ARID2: variants seen among roughly 807,000 people sequenced by gnomAD.
ARID2 encodes AT-rich interaction domain 2.
Under a neutral mutation model 184.6 loss-of-function variants are expected in ARID2, and 32 were observed. The ratio of observed to expected loss-of-function variants is 0.17; its 90% confidence interval spans 0.13 to 0.23. The LOEUF is 0.23. Among genes scored for constraint, ARID2 ranks in the 10% least tolerant of loss-of-function variants. The pLI is 1.00. For synonymous variants in ARID2, 836 were observed against 772.6 expected, an observed-to-expected ratio of 1.08 and a Z score of -1.36; for missense variants, 1,696 against 2,197.6, an observed-to-expected ratio of 0.77 and a Z score of 4.56.
intron 3 of ARID2, among the ~76,000 whole-genome samples, chr12:45,805,843 A>T (rs1459090965): frequency 6.6e-6 from 1 of 152,154 alleles, no homozygotes; most frequent in Non-Finnish European, 1.5e-5. Flanking sequence ...CATCCTGTAT[A>T]TTAGATCTTC....
At chr12:45,740,187 G>A (rs1313354124) in intron 3 of ARID2, among the ~76,000 whole-genome samples, 1 of 152,110 alleles carries the variant, frequency 6.6e-6, no homozygotes, top group East Asian at 1.9e-4. Context: ...TTGCAATGTA[G>A]TAATTCAATC....
chr12:45,752,656 G>T (rs1372454922), intron 3 of ARID2, among the ~76,000 whole-genome samples: 1 of 152,130 alleles, frequency 6.6e-6, no homozygotes, highest in Non-Finnish European at 1.5e-5. Context: ...TGAGTAGCTA[G>T]GACTCAGACT....
intron 10 of ARID2, among the ~76,000 whole-genome samples, 196 bp from the exon 11 acceptor site, chr12:45,839,133 G>A (rs971275715): frequency 2.0e-5 from 3 of 151,804 alleles, no homozygotes; most frequent in African/African-American, 7.3e-5. Flanking sequence ...CAAAGTGCTG[G>A]GATTACAGGT....
At chr12:45,857,635 T>G (rs1943672975) in intron 15 of ARID2, among the ~76,000 whole-genome samples, 2 of 152,204 alleles carry the variant, frequency 1.3e-5, no homozygotes, top group African/African-American at 4.8e-5. Context: ...ACTCCTACTT[T>G]TAAGAGTTGA....
At chr12:45,902,693 G>GCCA (rs2136471066) in intron 20 of ARID2, among the ~76,000 whole-genome samples, 1 of 151,904 alleles carries the variant, frequency 6.6e-6, no homozygotes, top group Non-Finnish European at 1.5e-5. Context: ...AGTAGCTCCT[G>GCCA]CCACCACGCC....
intron 3 of ARID2, among the ~76,000 whole-genome samples, chr12:45,744,821 A>G (rs1159196770): frequency 2.0e-5 from 3 of 152,210 alleles, no homozygotes; most frequent in Non-Finnish European, 4.4e-5. Flanking sequence ...AAATTCATCA[A>G]TGCTAAATTA....
At chr12:45,734,520 A>G (rs998748288) in intron 3 of ARID2, among the ~76,000 whole-genome samples, 4 of 152,044 alleles carry the variant, frequency 2.6e-5, no homozygotes, top group African/African-American at 9.7e-5. Flanking sequence ...TTCCTATAGT[A>G]TGAAAGGATA....
rs752381571 is a variant in ARID2 at position 45,850,066 on chromosome 12, A to G, written c.1943A>G (p.Asn648Ser). The G allele has an allele frequency of 2.2e-5, 35 of 1,613,624 alleles. No homozygotes were observed. The highest frequency in any genetic ancestry group is 3.0e-5 in the Non-Finnish European group (35 of 1,179,774). ...CCTCATGGATCACAAACCATAGGAA[A>G]CCATTTTCAGAGGACTCCTGTTGCC... Reference protein sequence around the residue: ...GIPHGSQTIGNHFQRTPVANQ... With the variant: ...GIPHGSQTIGSHFQRTPVANQ... The change falls in exon 15 of 21, where the codon AAC becomes AGC. Residue 648 changes from asparagine (N) to serine (S), a missense_variant. Asn to Ser is a conservative substitution (Grantham distance 46). This residue lies in a region of ARID2 where 713 missense variants were observed against 824.4 expected (regional missense o/e 0.86). Coordinates refer to ENST00000334344, the MANE Select transcript of ARID2 (RefSeq NM_152641.4).
rs149425752 is a variant in ARID2, at chr12:45,776,724, C to T, written c.285-34694C>T. ...CAGCACTTTGGGAGGCCAAGGCGGA[C>T]AGATCGTTTGAGCCCAGGAGTTCGA... On this transcript the variant is annotated intron_variant, in intron 3 of 20. Coordinates refer to ENST00000334344, the MANE Select transcript of ARID2 (RefSeq NM_152641.4). 8.9e-3 allele frequency among the ~76,000 whole-genome samples: 1,328 copies of T among 149,764 alleles called. 19 individuals carry two copies. The highest frequency in any genetic ancestry group is 0.031 in the African/African-American group (1,264 of 40,768).
At chr12:45,759,640 A>G (rs1941637038) in intron 3 of ARID2, among the ~76,000 whole-genome samples, 1 of 152,134 alleles carries the variant, frequency 6.6e-6, no homozygotes, top group African/African-American at 2.4e-5. Context: ...CTCGTATGTA[A>G]ACACATACCT....
At chr12:45,898,665 C>T (rs558131539) in intron 20 of ARID2, among the ~76,000 whole-genome samples, 6 of 152,258 alleles carry the variant, frequency 3.9e-5, no homozygotes, top group South Asian at 2.1e-4. Context: ...CCTATAATCC[C>T]GGCACTTTGG....
intron 3 of ARID2, among the ~76,000 whole-genome samples, chr12:45,755,494 C>T (rs1331789310): frequency 6.6e-6 from 1 of 152,160 alleles, no homozygotes; most frequent in African/African-American, 2.4e-5. Flanking sequence ...TATCTTTAGG[C>T]TTATCGTTGT....
chr12:45,899,069 T>G (rs1244669696), intron 20 of ARID2, among the ~76,000 whole-genome samples: 1 of 145,944 alleles, frequency 6.9e-6, no homozygotes, highest in African/African-American at 2.6e-5. Context: ...GTCAAGATAT[T>G]GAGATCATCC....
chr12:45,893,744 C>A (rs2136463322), intron 20 of ARID2, 23 bp downstream of exon 20: 1 of 1,479,418 alleles, frequency 6.8e-7, no homozygotes, highest in Non-Finnish European at 9.1e-7. Context: ...TTTTCTGTAG[C>A]CAAAGTGAAT....
At chr12:45,785,155 A>T (rs182918614) in intron 3 of ARID2, among the ~76,000 whole-genome samples, 20 of 152,334 alleles carry the variant, frequency 1.3e-4, no homozygotes, top group African/African-American at 4.8e-4. Flanking sequence ...AGGTGATGGA[A>T]AATAAGGTAA....
chr12:45,835,809 G>C (rs1300318242), intron 6 of ARID2, among the ~76,000 whole-genome samples: 7 of 151,856 alleles, frequency 4.6e-5, no homozygotes, highest in African/African-American at 1.5e-4. Flanking sequence ...CTGAGGTAGG[G>C]GAATCACTTG....
Position 45,848,896 on chromosome 12 carries a change from T to C in ARID2, c.1641T>C (p.Ser547=), listed in dbSNP as rs900184887. 1 of 1,612,606 alleles carries C rather than the reference T, an allele frequency of 6.2e-7. No homozygotes were observed. The highest frequency in any genetic ancestry group is 8.5e-7 in the Non-Finnish European group (1 of 1,179,044). ...DCSVSRAEMY[S]EYLSTCSKLA... is the part of the protein sequence containing the mutation. The stretch of plus-strand genomic sequence containing the variant: ...CTGTTTCTCGAGCAGAAATGTATTC[T>C]GAATACCTCTCGACTTGCAGTAAAT... The change falls in exon 13 of 21, where the codon TCT becomes TCC. Residue 547 remains serine, a synonymous_variant. Transcript: ENST00000334344.
intron 6 of ARID2, among the ~76,000 whole-genome samples, chr12:45,822,254 C>T (rs1422902448): frequency 6.6e-6 from 1 of 152,138 alleles, no homozygotes; most frequent in Non-Finnish European, 1.5e-5. Context: ...GTAATCCCAG[C>T]ACCTTAGGAG....
At chr12:45,735,305 CTGAT>C (rs1391450873) in intron 3 of ARID2, among the ~76,000 whole-genome samples, 1 of 152,036 alleles carries the variant, frequency 6.6e-6, no homozygotes, top group African/African-American at 2.4e-5. Context: ...ACTGAATAAA[CTGAT>C]TGCCCTTCTT....
Sources: gnomAD v4.1 joint callset for allele counts (sites outside exome capture counted in the v4.1 genomes callset) on GRCh38, gnomAD v4.1.1 for gene constraint, gnomAD v4.1.1 regional missense constraint, MANE v1.5 for transcripts, NCBI Gene and HGNC (gene_info 2026-07-23, HGNC 2026-07-21) for gene names.